The following PCSK4 variants were observed in gnomAD, a reference collection of about 807,000 sequenced individuals.
The protein encoded by PCSK4 is testicular tissue protein Li 135.
Under a neutral mutation model 80.3 loss-of-function variants are expected in PCSK4, and 64 were observed. The ratio of observed to expected loss-of-function variants is 0.80; its 90% CI spans 0.65 to 0.98. PCSK4 has a LOEUF of 0.98. Ranked by LOEUF, PCSK4 falls within the 50% of genes least tolerant of loss-of-function variation. The probability of loss-of-function intolerance (pLI) is 0.00; values close to 1 mark genes in which losing one functional copy is unlikely to be tolerated. For synonymous variants in PCSK4, 561 were observed against 487.6 expected (o/e 1.15, Z -1.98); for missense variants, 1,213 against 1,093.6 (o/e 1.11, Z -1.54).
intron 8 of PCSK4, among the ~76,000 whole-genome samples, chr19:1,485,752 T>A (rs1206310751): frequency 2.0e-5 from 3 of 151,598 alleles, no homozygotes; most frequent in African/African-American, 7.3e-5. Flanking sequence ...GCACCTGTAG[T>A]CCCAGCTACT....
chr19:1,487,529 G>C, intron 6 of PCSK4, 74 bp downstream of exon 6: 1 of 1,340,366 alleles, frequency 7.5e-7, no homozygotes, highest in Non-Finnish European at 1.0e-6. Context: ...CCGAGTCCTT[G>C]GGCCCAGCTC....
chr19:1,484,756 T>G (rs2084517095), intron 8 of PCSK4, among the ~76,000 whole-genome samples: 1 of 150,964 alleles, frequency 6.6e-6, no homozygotes, highest in Non-Finnish European at 1.5e-5. Context: ...GAGGTTGCAG[T>G]GAGCCAAGAT....
exon 8 of PCSK4, chr19:1,486,864 CGGT>C (rs2084645250): frequency 6.3e-7 from 1 of 1,596,880 alleles, no homozygotes; most frequent in South Asian, 1.1e-5. Flanking sequence ...ATCTGGGGGT[CGGT>C]GGCCACGCCG....
At chr19:1,482,014 G>A (rs1364369654) in exon 15 of PCSK4, 1 of 1,579,542 alleles carries the variant, frequency 6.3e-7, no homozygotes, top group Non-Finnish European at 8.6e-7. Context: ...TGGAGGATGG[G>A]GGACAGGAGG....
intron 6 of PCSK4, 55 bp from the exon 7 acceptor site, chr19:1,487,368 C>T: frequency 7.1e-7 from 1 of 1,414,478 alleles, no homozygotes; most frequent in Admixed American, 2.0e-5. Context: ...TCCCCACACC[C>T]CAGCCCGCCC....
rs1036429653 is a variant in PCSK4 at position 1,488,801 on chromosome 19, G to A, written c.295-521C>T. Among the ~76,000 whole-genome samples, 4 of 152,004 alleles carry A rather than the reference G, an allele frequency of 2.6e-5. No individual in the cohort carries two copies. The East Asian group carries it at 5.8e-4, about 22-fold the overall frequency. ...TCGCCATGTTGATCAGGCTGGTCTCGAACTCCTGAGCTTAAGTGATCTGCC... is the reference window on the plus strand; with the variant it reads ...TCGCCATGTTGATCAGGCTGGTCTCAAACTCCTGAGCTTAAGTGATCTGCC... On this transcript the variant is annotated intron_variant, in intron 2 of 14. Coordinates refer to ENST00000300954, the Ensembl canonical transcript of PCSK4.
chr19:1,490,393 CA>C lies in PCSK4; in HGVS notation c.-48del, dbSNP rs769003679. 2.0e-3 allele frequency: 1,542 copies of C among 752,352 alleles called. 25 individuals carry two copies. In the African/African-American group the frequency reaches 0.026, roughly 12 times the overall value. 46.6% of individuals were successfully genotyped at this position (752,352 alleles called of 1,614,324 possible). ...CCTGCGCAAATCCCCTCCCTCCCGC[CA>C]AACCGCCGAGTGGGCCCAGGCGTCC... On this transcript the variant is annotated 5_prime_UTR_variant, in exon 1 of 15. Coordinates refer to ENST00000300954, the Ensembl canonical transcript of PCSK4.
In PCSK4 at chr19:1,482,345, G is replaced by T; in HGVS notation, c.1819+8C>A. On this transcript the variant is annotated splice_region_variant and intron_variant, in intron 14 of 14. Transcript: ENST00000300954. Reference sequence around the variant, plus strand: ...CCCAGCAGTGGGCCCTGCCCCGCCGGCACTCACCCTGGCACAGCCCCTCTG... The same window carrying T: ...CCCAGCAGTGGGCCCTGCCCCGCCGTCACTCACCCTGGCACAGCCCCTCTG... 6.5e-7 allele frequency: 1 copy of T among 1,538,754 alleles called. No homozygotes were observed.
chr19:1,487,387 TC>T, intron 6 of PCSK4, 74 bp from the exon 7 acceptor site: 1 of 1,087,336 alleles, frequency 9.2e-7, no homozygotes, highest in African/African-American at 1.7e-5. Context: ...CCCGCGCCAC[TC>T]CACACCACTC....
intron 2 of PCSK4, among the ~76,000 whole-genome samples, chr19:1,489,130 CTT>C (rs996269474): frequency 6.2e-5 from 8 of 128,816 alleles, no homozygotes; most frequent in Admixed American, 7.8e-5. Context: ...AAGCCTCCTA[CTT>C]TTTTTTTTTT....
intron 8 of PCSK4, among the ~76,000 whole-genome samples, chr19:1,485,670 G>A (rs1286957029): frequency 6.6e-6 from 1 of 151,482 alleles, no homozygotes; most frequent in Non-Finnish European, 1.5e-5. Context: ...AGGAGATCGA[G>A]ATCATCCTGG....
exon 14 of PCSK4, chr19:1,482,412 G>T (rs1342857890): frequency 6.2e-7 from 1 of 1,606,104 alleles, no homozygotes; most frequent in Non-Finnish European, 8.5e-7. Context: ...CTGGGGGCCT[G>T]TAGGCCGCGC....
At position 1,490,149 on chromosome 19, in the gene PCSK4, C is replaced by T; in HGVS notation, c.189+9G>A. 1 of 1,613,436 alleles carries T rather than the reference C, an allele frequency of 6.2e-7. No homozygotes were observed. The highest frequency in any genetic ancestry group is 1.3e-5 in the African/African-American group (1 of 75,066). On this transcript the variant is annotated intron_variant, in intron 1 of 14. Coordinates refer to ENST00000300954, the Ensembl canonical transcript of PCSK4. Reference sequence around the variant, plus strand: ...GCCCCCACTTCCCGTCTATCCCGGTCCCACCCACCGGCCCCAGGTTGACGA... The same window carrying T: ...GCCCCCACTTCCCGTCTATCCCGGTTCCACCCACCGGCCCCAGGTTGACGA...
chr19:1,490,129 C>A (rs1168815658), intron 1 of PCSK4, 29 bp downstream of exon 1: 4 of 1,612,176 alleles, frequency 2.5e-6, no homozygotes, highest in Admixed American at 3.3e-5. Context: ...TCCAAGCCCC[C>A]ACTTCCCGTC....
At position 1,484,013 on chromosome 19, in the gene PCSK4, C is replaced by A; in HGVS notation, c.1169+14G>T. 6.5e-7 allele frequency: 1 copy of A among 1,528,592 alleles called. No homozygotes were observed. The highest frequency in any genetic ancestry group is 8.8e-7 in the Non-Finnish European group (1 of 1,139,488). 94.7% of individuals were successfully genotyped at this position (1,528,592 alleles called of 1,614,324 possible). ...GGGGGCGAGGGCGGTGGACCGGGCC[C>A]CGCAGTCACCTACTTGGCCTCCAGC... is the stretch of plus-strand genomic sequence containing the variant. On this transcript the variant is annotated intron_variant, in intron 9 of 14. Transcript: ENST00000300954.
chr19:1,488,033 G>A (rs1368792320), exon 4 of PCSK4: 6 of 1,613,444 alleles, frequency 3.7e-6, no homozygotes, highest in Non-Finnish European at 5.1e-6. Context: ...CGATGCCCTG[G>A]CCTGACAGCC....
At chr19:1,486,810 G>T in intron 8 of PCSK4, 43 bp downstream of exon 8, 1 of 1,493,104 alleles carries the variant, frequency 6.7e-7, no homozygotes, top group East Asian at 2.3e-5. Context: ...GGCTGGGATG[G>T]CAGGGCCTGG....
chr19:1,487,169 C>G, exon 7 of PCSK4: 2 of 1,606,870 alleles, frequency 1.2e-6, no homozygotes, highest in African/African-American at 1.3e-5. Context: ...GAAGGCCTCG[C>G]GGGTGAGGAT....
At chr19:1,487,373 C>A in intron 6 of PCSK4, 60 bp from the exon 7 acceptor site, 1 of 1,362,196 alleles carries the variant, frequency 7.3e-7, no homozygotes, top group Non-Finnish European at 1.0e-6. Flanking sequence ...ACACCCCAGC[C>A]CGCCCCGCGC....
Sources: allele counts gnomAD v4.1 joint callset (sites outside exome capture counted in the v4.1 genomes callset), GRCh38; gene constraint gnomAD v4.1.1; transcripts MANE v1.5; gene names NCBI Gene and HGNC (gene_info 2026-07-23, HGNC 2026-07-21).